The following TES variants were observed in gnomAD, a reference collection of about 807,000 sequenced individuals.
TES encodes the protein testin.
In TES, 41 loss-of-function variants were observed where a neutral mutation model predicts 48.2. The ratio of observed to expected loss-of-function variants is 0.85; its 90% CI spans 0.66 to 1.10. TES has a LOEUF of 1.10. TES is among the 50% of genes least tolerant of loss of function. The pLI is 0.00. For missense variants in TES, 463 were observed against 515.1 expected, an observed-to-expected ratio of 0.90 and a Z score of 0.98; for synonymous variants, 162 against 174.9, an observed-to-expected ratio of 0.93 and a Z score of 0.58.
At chr7:116,221,675 C>CTCTG (rs912984338) in intron 1 of TES, among the ~76,000 whole-genome samples, 5 of 152,156 alleles carry the variant, frequency 3.3e-5, no homozygotes. Flanking sequence ...TCTCATATTC[C>CTCTG]TCTGTACATC....
intron 2 of TES, among the ~76,000 whole-genome samples, chr7:116,243,362 C>T (rs534187114): frequency 1.3e-5 from 2 of 152,214 alleles, no homozygotes; most frequent in African/African-American, 4.8e-5. Flanking sequence ...AACACCACTC[C>T]CTACTCCTCT....
At chr7:116,223,345 ATTTAT>A (rs1799580347) in intron 1 of TES, among the ~76,000 whole-genome samples, 1 of 152,174 alleles carries the variant, frequency 6.6e-6, no homozygotes, top group Non-Finnish European at 1.5e-5. Flanking sequence ...AGGTACTGAA[ATTTAT>A]TTTCTTTTAC....
Position 116,257,418 on chromosome 7 carries a change from A to T in TES, c.1202A>T (p.Gln401Leu). ...TGCTGCAGCAAATGCCTCATTGGGCAGAAGTTCATGCCAGTAGAAGGGATG... is the reference window on the plus strand; with the variant it reads ...TGCTGCAGCAAATGCCTCATTGGGCTGAAGTTCATGCCAGTAGAAGGGATG... ...CSCCSKCLIG[Q>L]KFMPVEGMVF... Residue 401 changes from glutamine (Q) to leucine (L), a missense_variant, in exon 7 of 7, where the codon CAG becomes CTG. Transcript: ENST00000358204. 3 of 1,614,162 alleles carry T rather than the reference A, an allele frequency of 1.9e-6. No individual in the cohort carries two copies. The highest frequency in any genetic ancestry group is 2.5e-6 in the Non-Finnish European group (3 of 1,180,014).
chr7:116,248,264 T>G lies in TES; in HGVS notation c.114-756T>G, dbSNP rs185652515. ...TCCACCATGTCTTTTCTATTGTGAA[T>G]ACTACTGTGATAAACATACGGGTGC... On this transcript the variant is annotated intron_variant, in intron 2 of 6. Coordinates refer to ENST00000358204, the MANE Select transcript of TES (RefSeq NM_015641.4). Among the ~76,000 whole-genome samples, 533 of 152,290 alleles carry G rather than the reference T, an allele frequency of 3.5e-3. 3 individuals carry two copies. The highest frequency in any genetic ancestry group is 0.013 in the African/African-American group (520 of 41,554).
At chr7:116,253,012 A>AT (rs1800041329) in intron 6 of TES, among the ~76,000 whole-genome samples, 1 of 152,124 alleles carries the variant, frequency 6.6e-6, no homozygotes, top group Non-Finnish European at 1.5e-5. Flanking sequence ...GTGAAAGTAT[A>AT]TTTTTTCTTG....
Position 116,210,628 on chromosome 7 carries a change from C to T in TES, c.-80C>T. On this transcript the variant is annotated 5_prime_UTR_variant, in exon 1 of 7. Coordinates refer to ENST00000358204, the MANE Select transcript of TES (RefSeq NM_015641.4). ...GGGAGTTCCGCAGGTTTCCCGTGTT[C>T]GCAGCGGAGCCGGAGGCCAGCTGAA... 1 of 1,269,678 alleles carries T rather than the reference C, an allele frequency of 7.9e-7. No homozygotes were observed. The highest frequency in any genetic ancestry group is 1.0e-6 in the Non-Finnish European group (1 of 992,540). 78.7% of individuals were successfully genotyped at this position (1,269,678 alleles called of 1,614,324 possible). A position where few individuals can be genotyped will look rare whatever the true frequency, so the allele number is the denominator to read the frequency against.
At chr7:116,224,332 G>C (rs1383182275) in intron 1 of TES, among the ~76,000 whole-genome samples, 2 of 152,178 alleles carry the variant, frequency 1.3e-5, no homozygotes, top group East Asian at 3.8e-4. Context: ...AGCGAATACA[G>C]AGGTGTTCCA....
Position 116,251,977 on chromosome 7 carries a change from T to C in TES, c.918+2T>C. 1 of 1,614,074 alleles carries C rather than the reference T, an allele frequency of 6.2e-7. No homozygotes were observed. The stretch of plus-strand genomic sequence containing the variant: ...CCCCGATGTGCTGGCTGTGACGAGG[T>C]ATGTTCTATGGGACCACCGGCATGC... On this transcript the variant is annotated splice_donor_variant, in intron 5 of 6. Coordinates refer to ENST00000358204, the MANE Select transcript of TES (RefSeq NM_015641.4). LOFTEE classifies it high-confidence loss of function.
At chr7:116,248,737 G>A (rs576811762) in intron 2 of TES, among the ~76,000 whole-genome samples, 1 of 151,974 alleles carries the variant, frequency 6.6e-6, no homozygotes, top group African/African-American at 2.4e-5. Flanking sequence ...TTGTCTGTTT[G>A]TCCTGTTGCC....
In TES at chr7:116,210,580, G is replaced by T; in HGVS notation, c.-128G>T. On this transcript the variant is annotated 5_prime_UTR_variant, in exon 1 of 7. Transcript: ENST00000358204. ...CGGCGGAAGTTCGACGGCGCCGGGC[G>T]AGTGGCTGTTGAGCGGCGCCGCGGG... 1 of 1,048,048 alleles carries T rather than the reference G, an allele frequency of 9.5e-7. No homozygotes were observed. 64.9% of individuals were successfully genotyped at this position (1,048,048 alleles called of 1,614,324 possible). A position where few individuals can be genotyped will look rare whatever the true frequency, so the allele number is the denominator to read the frequency against.
chr7:116,228,018 T>TG (rs1223730621), intron 1 of TES, among the ~76,000 whole-genome samples: 4 of 140,438 alleles, frequency 2.8e-5, no homozygotes, highest in South Asian at 2.2e-4. Flanking sequence ...GTTTTTTTTT[T>TG]TTTGTTTTTT....
Position 116,258,388 on chromosome 7 carries a change from G to C in TES, c.*906G>C, listed in dbSNP as rs1141470. On this transcript the variant is annotated 3_prime_UTR_variant, in exon 7 of 7. Coordinates refer to ENST00000358204, the MANE Select transcript of TES (RefSeq NM_015641.4). ...GCCTCCCAAAGTGCTGGGATTACAG[G>C]TGTGGGAGCCACCATGCCTGACCCA... 49,745 of 152,372 alleles carry C rather than the reference G, an allele frequency of 0.33. 8,463 individuals are homozygous for C. Among genetic ancestry groups the C allele is most frequent in the East Asian group, 0.58 (2,990 of 5,166 alleles). 9.4% of individuals were successfully genotyped at this position (152,372 alleles called of 1,614,324 possible). A position where few individuals can be genotyped will look rare whatever the true frequency, so the allele number is the denominator to read the frequency against.
chr7:116,222,917 C>T lies in TES; in HGVS notation c.28-11617C>T, dbSNP rs147193583. 1.5e-4 allele frequency: 138 copies of T among 950,768 alleles called. 2 individuals carry two copies. The East Asian group carries it at 0.013, about 87-fold the overall frequency. 58.9% of individuals were successfully genotyped at this position (950,768 alleles called of 1,614,324 possible). A position where few individuals can be genotyped will look rare whatever the true frequency, so the allele number is the denominator to read the frequency against. On this transcript the variant is annotated intron_variant, in intron 1 of 6. Coordinates refer to ENST00000358204, the MANE Select transcript of TES (RefSeq NM_015641.4). ...GAAGCAATTTCAGCTGCAGTCATTG[C>T]TTATTATAATAATTGTGACATTTTT...
intron 6 of TES, 21 bp downstream of exon 6, chr7:116,252,497 A>G (rs199751410): frequency 1.1e-5 from 17 of 1,614,062 alleles, no homozygotes; most frequent in Non-Finnish European, 1.4e-5. Context: ...TTCTAAGGAT[A>G]TGGTTGCCTC....
rs55828350 is a variant in TES at position 116,256,698 on chromosome 7, A to G, written c.1078-596A>G. ...GGATTGTAAGTATTAATGTTCTACA[A>G]TATTAGATTACACATAAATTATGAC... On this transcript the variant is annotated intron_variant, in intron 6 of 6. Transcript: ENST00000358204. Among the ~76,000 whole-genome samples, 1,343 of 152,368 alleles carry G rather than the reference A, an allele frequency of 8.8e-3. 13 individuals carry two copies. Among genetic ancestry groups the G allele is most frequent in the Non-Finnish European group, 0.014 (971 of 68,038 alleles).
chr7:116,223,115 T>G (rs1799577007), intron 1 of TES: 1 of 397,256 alleles, frequency 2.5e-6, no homozygotes, highest in South Asian at 1.0e-4. Flanking sequence ...GGAACCAGCT[T>G]AAACTGATCA....
chr7:116,253,527 T>C (rs1800049262), intron 6 of TES, among the ~76,000 whole-genome samples: 1 of 152,158 alleles, frequency 6.6e-6, no homozygotes, highest in Non-Finnish European at 1.5e-5. Flanking sequence ...GAAAATTATC[T>C]TCCTAAAATG....
intron 1 of TES, among the ~76,000 whole-genome samples, chr7:116,214,343 A>G (rs1300991689): frequency 2.0e-5 from 3 of 152,160 alleles, no homozygotes; most frequent in Non-Finnish European, 4.4e-5. Flanking sequence ...AGAATGAGTT[A>G]TTTGCCTTAG....
At chr7:116,211,350 C>T (rs1799436595) in intron 1 of TES, 1 of 152,246 alleles carries the variant, frequency 6.6e-6, no homozygotes, top group South Asian at 2.1e-4. Flanking sequence ...AATTATCTGT[C>T]AAAGAGCGCA....
Sources: gnomAD v4.1 joint callset for allele counts (sites outside exome capture counted in the v4.1 genomes callset) on GRCh38, gnomAD v4.1.1 for gene constraint, MANE v1.5 for transcripts, NCBI Gene and HGNC (gene_info 2026-07-23, HGNC 2026-07-21) for gene names.